Variants in LRRC8D observed in about 807,000 individuals in gnomAD.
LRRC8D encodes volume-regulated anion channel subunit LRRC8D.
In LRRC8D, 20 loss-of-function variants were observed where a neutral mutation model predicts 55.8. The ratio of observed to expected loss-of-function variants is 0.36; its 90% CI spans 0.25 to 0.52. The LOEUF (loss-of-function observed/expected upper bound fraction) is 0.52, where lower values mean the gene tolerates loss of function less well. Among genes scored for constraint, LRRC8D ranks in the 20% least tolerant of loss-of-function variants. LRRC8D has a pLI of 0.93. For missense variants in LRRC8D, 651 were observed against 1,030.8 expected (o/e 0.63, Z 5.05); for synonymous variants, 352 against 377.0 (o/e 0.93, Z 0.77).
At chr1:89,829,107 A>G (rs1374780943) in intron 1 of LRRC8D, among the ~76,000 whole-genome samples, 1 of 152,242 alleles carries the variant, frequency 6.6e-6, no homozygotes, top group African/African-American at 2.4e-5. Context: ...ATGCTTGGAA[A>G]AATGGTCCCC....
In LRRC8D at chr1:89,822,306, AG is replaced by A. The variant is rs577663492; in HGVS notation, c.-148+1018del. Reference sequence around the variant, plus strand: ...GAAGGAAACAGCCGAGATGAGAGGGAGGGCGCACTCAGGATGTAGGCGGAGA... The same window carrying A: ...GAAGGAAACAGCCGAGATGAGAGGGAGGCGCACTCAGGATGTAGGCGGAGA... On this transcript the variant is annotated intron_variant, in intron 1 of 2. Transcript: ENST00000337338. 373 of 152,756 alleles carry A rather than the reference AG, an allele frequency of 2.4e-3. 1 individual carries two copies. The highest frequency in any genetic ancestry group is 3.4e-3 in the Middle Eastern group (1 of 296). 9.5% of individuals were successfully genotyped at this position (152,756 alleles called of 1,614,324 possible). A position where few individuals can be genotyped will look rare whatever the true frequency, so the allele number is the denominator to read the frequency against.
rs568672346 is a variant in LRRC8D, at chr1:89,890,013, C to A, written c.-2-43054C>A. Among the ~76,000 whole-genome samples, 10 of 152,068 alleles carry A rather than the reference C, an allele frequency of 6.6e-5. No homozygotes were observed. In the South Asian group the frequency reaches 1.9e-3, roughly 28 times the overall value. ...CCATCCTGGCTAACACAGTGAAACT[C>A]CATCTCTAATAAAAATACAAAAAAT... On this transcript the variant is annotated intron_variant, in intron 2 of 2. Transcript: ENST00000337338.
chr1:89,865,880 T>C (rs774917758), intron 2 of LRRC8D, among the ~76,000 whole-genome samples: 152 of 152,210 alleles, frequency 1.0e-3, no homozygotes, highest in Non-Finnish European at 1.5e-3. Context: ...CTTAGAGATA[T>C]GGAAAATTTT....
chr1:89,837,157 G>T (rs549816856), intron 1 of LRRC8D, among the ~76,000 whole-genome samples: 2 of 152,312 alleles, frequency 1.3e-5, no homozygotes, highest in Non-Finnish European at 2.9e-5. Flanking sequence ...GGCAATCCTG[G>T]AGCCTTGAAA....
chr1:89,857,381 T>C (rs1557453444), intron 2 of LRRC8D, among the ~76,000 whole-genome samples: 6 of 62,454 alleles, frequency 9.6e-5, no homozygotes, highest in African/African-American at 4.4e-4. Flanking sequence ...AAACTCCATC[T>C]CAAAAAAAAA....
At chr1:89,883,212 G>A (rs181695681) in intron 2 of LRRC8D, among the ~76,000 whole-genome samples, 2 of 151,126 alleles carry the variant, frequency 1.3e-5, no homozygotes, top group African/African-American at 4.9e-5. Context: ...CTCAAAATAC[G>A]TGTGTAGGCG....
At chr1:89,829,995 T>C (rs1660849561) in intron 1 of LRRC8D, among the ~76,000 whole-genome samples, 1 of 152,196 alleles carries the variant, frequency 6.6e-6, no homozygotes, top group African/African-American at 2.4e-5. Context: ...AGGTGTTATG[T>C]CTTAGCTGAA....
intron 2 of LRRC8D, among the ~76,000 whole-genome samples, chr1:89,852,602 TA>T (rs1319669475): frequency 6.6e-6 from 1 of 152,194 alleles, no homozygotes; most frequent in African/African-American, 2.4e-5. Flanking sequence ...TTTTATAACT[TA>T]AGGCACTTTA....
chr1:89,869,934 CCT>C (rs1170375225), intron 2 of LRRC8D, among the ~76,000 whole-genome samples: 1 of 151,194 alleles, frequency 6.6e-6, no homozygotes, highest in East Asian at 1.9e-4. Context: ...GTGGTGAAAC[CCT>C]GTCTCTACTA....
intron 2 of LRRC8D, among the ~76,000 whole-genome samples, chr1:89,886,066 G>A (rs1467460823): frequency 6.6e-6 from 1 of 152,176 alleles, no homozygotes; most frequent in African/African-American, 2.4e-5. Context: ...TGAGAGTGGG[G>A]AGAGGAATAG....
At chr1:89,886,922 T>C (rs1662433910) in intron 2 of LRRC8D, among the ~76,000 whole-genome samples, 1 of 152,178 alleles carries the variant, frequency 6.6e-6, no homozygotes, top group Admixed American at 6.5e-5. Flanking sequence ...TAAAAAGACA[T>C]TTTTAAAATG....
chr1:89,846,097 C>G (rs900969228), intron 2 of LRRC8D, among the ~76,000 whole-genome samples: 4 of 152,060 alleles, frequency 2.6e-5, no homozygotes, highest in Non-Finnish European at 5.9e-5. Context: ...TACTTTTATA[C>G]CTATGTGTGT....
At chr1:89,881,577 G>A (rs1291307322) in intron 2 of LRRC8D, among the ~76,000 whole-genome samples, 1 of 152,146 alleles carries the variant, frequency 6.6e-6, no homozygotes, top group African/African-American at 2.4e-5. Context: ...TTTGTCAGAT[G>A]AGTAAGATGG....
At chr1:89,901,017 C>T (rs1018832886) in intron 2 of LRRC8D, among the ~76,000 whole-genome samples, 1 of 152,180 alleles carries the variant, frequency 6.6e-6, no homozygotes, top group African/African-American at 2.4e-5. Context: ...CTACAGCATC[C>T]TGATAACAGC....
chr1:89,895,259 G>C (rs1323984826), intron 2 of LRRC8D, among the ~76,000 whole-genome samples: 1 of 152,162 alleles, frequency 6.6e-6, no homozygotes, highest in Non-Finnish European at 1.5e-5. Context: ...AAGTCTGTTA[G>C]ATGACCTTAA....
rs1220375486 is a variant in LRRC8D at position 89,850,703 on chromosome 1, AT to A, written c.-3+6924del. On this transcript the variant is annotated intron_variant, in intron 2 of 2. Coordinates refer to ENST00000337338, the MANE Select transcript of LRRC8D (RefSeq NM_001134479.2). The stretch of plus-strand genomic sequence containing the variant: ...TTTATCCAGCCTGTCATTGATGGAC[AT>A]TTAGGTTGACTCCATTTCTTTACTA... 1.8e-4 allele frequency among the ~76,000 whole-genome samples: 27 copies of A among 152,184 alleles called. 1 individual carries two copies. Among genetic ancestry groups the A allele is most frequent in the Admixed American group, 3.9e-4 (6 of 15,280 alleles).
chr1:89,895,780 A>G (rs1662693254), intron 2 of LRRC8D, among the ~76,000 whole-genome samples: 2 of 152,150 alleles, frequency 1.3e-5, no homozygotes, highest in South Asian at 4.1e-4. Flanking sequence ...GATTTTAGTA[A>G]TCTCTTTATC....
chr1:89,906,500 T>C (rs1366001307), intron 2 of LRRC8D, among the ~76,000 whole-genome samples: 2 of 152,242 alleles, frequency 1.3e-5, no homozygotes, highest in Non-Finnish European at 2.9e-5. Context: ...CCCCAACTTC[T>C]GTTCCCTTTC....
intron 2 of LRRC8D, among the ~76,000 whole-genome samples, chr1:89,875,088 TA>T (rs906011940): frequency 6.6e-6 from 1 of 152,042 alleles, no homozygotes; most frequent in African/African-American, 2.4e-5. Flanking sequence ...AATATGAGGA[TA>T]AAAAAAACCT....
Sources: gnomAD v4.1 joint callset for allele counts (sites outside exome capture counted in the v4.1 genomes callset) on GRCh38, gnomAD v4.1.1 for gene constraint, MANE v1.5 for transcripts, NCBI Gene and HGNC (gene_info 2026-07-23, HGNC 2026-07-21) for gene names.